Variants in SMPD4 observed in about 807,000 individuals in gnomAD.
The protein encoded by SMPD4 is neutral sphingomyelinase 3.
In SMPD4, 58 loss-of-function variants were observed where a neutral mutation model predicts 97.8. The ratio of observed to expected loss-of-function variants is 0.59; its 90% CI spans 0.48 to 0.74. SMPD4 has a LOEUF of 0.74. Ranked by LOEUF, SMPD4 falls within the 30% of genes least tolerant of loss-of-function variation. The pLI is 0.00. For synonymous variants in SMPD4, 388 were observed against 450.0 expected (o/e 0.86, Z 1.74); for missense variants, 853 against 1,080.5 (o/e 0.79, Z 2.95).
At chr2:130,181,348 C>G in intron 1 of SMPD4, 182 bp downstream of exon 1, 1 of 1,439,348 alleles carries the variant, frequency 6.9e-7, no homozygotes, top group South Asian at 1.5e-5. Context: ...AAAGGCATGG[C>G]CCAGAGGGGT....
chr2:130,178,035 A>T (rs570102696), intron 1 of SMPD4, among the ~76,000 whole-genome samples: 1 of 152,298 alleles, frequency 6.6e-6, no homozygotes, highest in Non-Finnish European at 1.5e-5. Context: ...GGAAACAAAG[A>T]CCTTAGTTCT....
chr2:130,157,165 C>T (rs551025551), intron 12 of SMPD4, 86 bp downstream of exon 12: 7 of 1,514,404 alleles, frequency 4.6e-6, no homozygotes, highest in African/African-American at 1.4e-5. Context: ...GCCCTCCATG[C>T]CCTGGGGAGA....
intron 2 of SMPD4, among the ~76,000 whole-genome samples, chr2:130,175,466 G>A (rs186078737): frequency 6.6e-6 from 1 of 151,334 alleles, no homozygotes; most frequent in East Asian, 1.9e-4. Context: ...ACAACATCAC[G>A]GCTATGGCAG....
At chr2:130,157,506 C>A in intron 11 of SMPD4, 110 bp from the exon 12 acceptor site, 1 of 1,532,722 alleles carries the variant, frequency 6.5e-7, no homozygotes, top group Non-Finnish European at 8.8e-7. Context: ...GCTGCCCCCA[C>A]GGGAGGCATG....
At chr2:130,155,660 T>C (rs533968670) in intron 14 of SMPD4, among the ~76,000 whole-genome samples, 1 of 151,546 alleles carries the variant, frequency 6.6e-6, no homozygotes, top group African/African-American at 2.4e-5. Flanking sequence ...GCTGTGAGGA[T>C]CAAGCAGGGG....
chr2:130,176,206 G>A (rs1346671601), intron 2 of SMPD4, among the ~76,000 whole-genome samples: 2 of 152,180 alleles, frequency 1.3e-5, no homozygotes, highest in East Asian at 3.8e-4. Context: ...TGACAGTTAT[G>A]ACTGATTATT....
At chr2:130,177,744 T>C (rs1047381366) in intron 1 of SMPD4, among the ~76,000 whole-genome samples, 5 of 151,904 alleles carry the variant, frequency 3.3e-5, no homozygotes, top group African/African-American at 7.3e-5. Context: ...CAGCCCATAG[T>C]GGCCAGCTTC....
intron 8 of SMPD4, among the ~76,000 whole-genome samples, chr2:130,171,095 T>TA (rs926324664): frequency 6.0e-4 from 90 of 150,418 alleles, no homozygotes; most frequent in African/African-American, 2.1e-3. Flanking sequence ...TAAAATAAAA[T>TA]AAATAAATAA....
In SMPD4 at chr2:130,157,241, G is replaced by A. The variant is rs985652259; in HGVS notation, c.1097+10C>T. ...GACGGCAGTGGTGGGAAGCCGCAAG[G>A]GCCACCCACCGTTTGAACTCCTCCA... On this transcript the variant is annotated intron_variant, in intron 12 of 19. Transcript: ENST00000680298. 2.6e-5 allele frequency: 41 copies of A among 1,547,932 alleles called. No homozygotes were observed. In the African/African-American group the frequency reaches 5.3e-4, roughly 20 times the overall value.
At chr2:130,166,897 AATT>A (rs1199735735) in intron 9 of SMPD4, among the ~76,000 whole-genome samples, 2 of 152,240 alleles carry the variant, frequency 1.3e-5, no homozygotes, top group East Asian at 3.8e-4. Context: ...ACTCTGCAAC[AATT>A]ATATCACCAC....
At chr2:130,155,314 A>AGG (rs1686669947) in intron 14 of SMPD4, 55 bp from the exon 15 acceptor site, 24 of 1,606,432 alleles carry the variant, frequency 1.5e-5, no homozygotes, top group Middle Eastern at 1.7e-4. Flanking sequence ...GCATGCCCCT[A>AGG]ATGCCCGGTC....
Position 130,154,773 on chromosome 2 carries a change from C to G in SMPD4, c.1454-291G>C, listed in dbSNP as rs1206932907. 6.8e-6 allele frequency: 4 copies of G among 584,448 alleles called. No homozygotes were observed. In the East Asian group the frequency reaches 8.8e-5, roughly 13 times the overall value. The allele number at this position is 584,448 out of a possible 1,614,324, so 36.2% of individuals were successfully genotyped here. ...GCCAGGATGAATGCAAGGCAGAGACCAGGCTCACCTCCTGAAGCGGCCAAC... is the reference window on the plus strand; with the variant it reads ...GCCAGGATGAATGCAAGGCAGAGACGAGGCTCACCTCCTGAAGCGGCCAAC... On this transcript the variant is annotated intron_variant, in intron 15 of 19. Transcript: ENST00000680298.
At chr2:130,160,416 G>A (rs1433509394) in intron 11 of SMPD4, among the ~76,000 whole-genome samples, 2 of 152,198 alleles carry the variant, frequency 1.3e-5, no homozygotes, top group Non-Finnish European at 1.5e-5. Context: ...AGCACAGCCC[G>A]TCTCCCCCGG....
chr2:130,162,174 C>G (rs1687490531), intron 10 of SMPD4, among the ~76,000 whole-genome samples: 1 of 152,254 alleles, frequency 6.6e-6, no homozygotes, highest in Non-Finnish European at 1.5e-5. Context: ...GAGGATCTGG[C>G]CACAGCCACA....
chr2:130,158,805 G>T (rs369883714), intron 11 of SMPD4, among the ~76,000 whole-genome samples: 5 of 152,120 alleles, frequency 3.3e-5, no homozygotes, highest in Non-Finnish European at 5.9e-5. Context: ...CCTTTGGGCC[G>T]TAACACATCT....
Position 130,154,335 on chromosome 2 carries a change from C to G in SMPD4, c.1601G>C (p.Ser534Thr). The change falls in exon 16 of 20, where the codon AGC (serine) becomes ACC (threonine). Residue 534 changes from serine to threonine, a missense_variant. Coordinates refer to ENST00000680298, the MANE Select transcript of SMPD4 (RefSeq NM_017951.5). ...GTACTTGCAGTCCTGGCCCTCCAGGCTGTAGACGTGGCTCTTCACCTTGAA... is the reference window on the plus strand; with the variant it reads ...GTACTTGCAGTCCTGGCCCTCCAGGGTGTAGACGTGGCTCTTCACCTTGAA... ...ASFKVKSHVY[S>T]LEGQDCKYTP... 1 of 1,611,350 alleles carries G rather than the reference C, an allele frequency of 6.2e-7. No homozygotes were observed. Among genetic ancestry groups the G allele is most frequent in the Non-Finnish European group, 8.5e-7 (1 of 1,178,966 alleles).
At position 130,158,554 on chromosome 2, in the gene SMPD4, C is replaced by T. The variant is rs191089000; in HGVS notation, c.952-1158G>A. Among the ~76,000 whole-genome samples the T allele has an allele frequency of 1.8e-4, 27 of 152,266 alleles. No individual in the cohort carries two copies. In the East Asian group the frequency reaches 4.5e-3, roughly 25 times the overall value. ...TCAGGTCTCCCAAAGAGAGGGAATA[C>T]AGGCGTGAGCCACTGTGTCCAGCCT... On this transcript the variant is annotated intron_variant, in intron 11 of 19. Coordinates refer to ENST00000680298, the MANE Select transcript of SMPD4 (RefSeq NM_017951.5).
In SMPD4 at chr2:130,153,207, A is replaced by C. The variant is rs753956321; in HGVS notation, c.2026-36T>G. The C allele has an allele frequency of 3.8e-5, 61 of 1,613,276 alleles. 1 individual carries two copies. In the Middle Eastern group the frequency reaches 4.9e-4, roughly 13 times the overall value. The stretch of plus-strand genomic sequence containing the variant: ...AGGCCATGGGGATGGGTCAGAAAAC[A>C]CAGCCCCACACACAACTCAGAGGAG... On this transcript the variant is annotated intron_variant, in intron 18 of 19. Transcript: ENST00000680298.
At chr2:130,156,786 G>A (rs1310914115) in intron 12 of SMPD4, 111 bp from the exon 13 acceptor site, 1 of 1,549,804 alleles carries the variant, frequency 6.5e-7, no homozygotes, top group African/African-American at 1.4e-5. Context: ...GGAGAGCACT[G>A]GGCACCTCCG....
Sources: gnomAD v4.1 joint callset for allele counts (sites outside exome capture counted in the v4.1 genomes callset) on GRCh38, gnomAD v4.1.1 for gene constraint, MANE v1.5 for transcripts, NCBI Gene and HGNC (gene_info 2026-07-23, HGNC 2026-07-21) for gene names.